Variants in CFAP54 observed in about 807,000 individuals in gnomAD.
CFAP54 encodes cilia- and flagella-associated protein 54.
In CFAP54, 290 loss-of-function variants were observed where a neutral mutation model predicts 370.4. The ratio of observed to expected loss-of-function variants is 0.78; its 90% CI spans 0.71 to 0.86. The LOEUF is 0.86. Among genes scored for constraint, CFAP54 ranks in the 40% least tolerant of loss-of-function variants. CFAP54 has a pLI of 0.00. For missense variants in CFAP54, 3,399 were observed against 3,528.7 expected (o/e 0.96, Z 0.93); for synonymous variants, 1,206 against 1,236.5 (o/e 0.98, Z 0.52).
rs1955561645 is a variant in CFAP54, at chr12:96,540,820, G to A, written c.1927-17G>A. ...ATATACTTTTAATTAATTTTGCTGTGTATTTTCTCTTTTTAGTGGATTTAT... is the reference window on the plus strand; with the variant it reads ...ATATACTTTTAATTAATTTTGCTGTATATTTTCTCTTTTTAGTGGATTTAT... On this transcript the variant is annotated splice_polypyrimidine_tract_variant and intron_variant, in intron 13 of 67. Coordinates refer to ENST00000524981, the MANE Select transcript of CFAP54 (RefSeq NM_001306084.2). The A allele has an allele frequency of 7.1e-7, 1 of 1,402,218 alleles. No homozygotes were observed. The highest frequency in any genetic ancestry group is 3.1e-5 in the Admixed American group (1 of 31,928). 86.9% of individuals were successfully genotyped at this position (1,402,218 alleles called of 1,614,324 possible). A position where few individuals can be genotyped will look rare whatever the true frequency, so the allele number is the denominator to read the frequency against.
chr12:96,719,875 T>C (rs1263321255), intron 49 of CFAP54, among the ~76,000 whole-genome samples: 1 of 152,222 alleles, frequency 6.6e-6, no homozygotes, highest in African/African-American at 2.4e-5. Context: ...GTGTCCCTTA[T>C]GGAGAAGCTA....
At chr12:96,805,464 C>A (rs1958868038) in intron 63 of CFAP54, among the ~76,000 whole-genome samples, 1 of 149,624 alleles carries the variant, frequency 6.7e-6, no homozygotes, top group Admixed American at 6.7e-5. Flanking sequence ...AAGTTTTCAA[C>A]AAACATGTAA....
intron 67 of CFAP54, among the ~76,000 whole-genome samples, chr12:96,871,201 A>G (rs769419665): frequency 6.6e-6 from 1 of 152,242 alleles, no homozygotes; most frequent in Non-Finnish European, 1.5e-5. Flanking sequence ...TATAGCTGAA[A>G]GGCTCAAAGA....
chr12:96,649,463 C>T (rs1956834108), intron 34 of CFAP54, among the ~76,000 whole-genome samples: 1 of 152,052 alleles, frequency 6.6e-6, no homozygotes, highest in Non-Finnish European at 1.5e-5. Flanking sequence ...TATGCCACAC[C>T]AGGAGGGGAA....
rs541186917 is a variant in CFAP54 at position 96,854,350 on chromosome 12, A to G, written c.9172-6469A>G. On this transcript the variant is annotated intron_variant, in intron 66 of 67. Transcript: ENST00000524981. Reference sequence around the variant, plus strand: ...GAAATAGCAAAACAACAACAACAACAACAAAGATGTGTAACATTCTCTAAT... The same window carrying G: ...GAAATAGCAAAACAACAACAACAACGACAAAGATGTGTAACATTCTCTAAT... Among the ~76,000 whole-genome samples, 226 of 152,300 alleles carry G rather than the reference A, an allele frequency of 1.5e-3. 1 individual carries two copies. The highest frequency in any genetic ancestry group is 5.1e-3 in the African/African-American group (212 of 41,568).
intron 19 of CFAP54, 127 bp downstream of exon 19, chr12:96,564,892 A>G: frequency 2.3e-6 from 1 of 440,706 alleles, no homozygotes; most frequent in South Asian, 5.2e-5. Flanking sequence ...GATTCACTAT[A>G]TATAATTCAT....
At chr12:96,629,334 C>T (rs147350070) in intron 30 of CFAP54, among the ~76,000 whole-genome samples, 2,975 of 152,016 alleles carry the variant, frequency 0.02, 153 homozygotes, top group Admixed American at 0.12. Context: ...GACAGAGTCT[C>T]GGTCTGTCGC....
intron 26 of CFAP54, among the ~76,000 whole-genome samples, chr12:96,611,137 C>G (rs959747963): frequency 3.9e-5 from 6 of 152,240 alleles, no homozygotes; most frequent in African/African-American, 1.2e-4. Flanking sequence ...AGGCACCCCC[C>G]AGTAGGGGCA....
At chr12:96,752,085 T>TGAGAGAGAGCGAGAGA (rs1958190656) in intron 55 of CFAP54, among the ~76,000 whole-genome samples, 2 of 90,568 alleles carry the variant, frequency 2.2e-5, no homozygotes, top group East Asian at 7.1e-4. Context: ...TCTTCCTGGA[T>TGAGAGAGAGCGAGAGA]GAGAGAGAGA....
intron 19 of CFAP54, among the ~76,000 whole-genome samples, chr12:96,571,660 C>T (rs142355271): frequency 6.6e-6 from 1 of 152,206 alleles, no homozygotes; most frequent in East Asian, 1.9e-4. Flanking sequence ...CATTCAGGTC[C>T]ATATTGATAA....
intron 9 of CFAP54, 23 bp from the exon 10 acceptor site, chr12:96,533,769 A>C: frequency 6.8e-7 from 1 of 1,476,888 alleles, no homozygotes; most frequent in Non-Finnish European, 8.9e-7. Flanking sequence ...GTGATATTCA[A>C]AACTCTCTTC....
At chr12:96,649,117 G>A (rs1956830853) in intron 34 of CFAP54, among the ~76,000 whole-genome samples, 1 of 152,162 alleles carries the variant, frequency 6.6e-6, no homozygotes, top group African/African-American at 2.4e-5. Flanking sequence ...GCCAACCAGA[G>A]TTCTTGGTAT....
chr12:96,764,782 T>A (rs1271761823), intron 59 of CFAP54, among the ~76,000 whole-genome samples: 1 of 152,250 alleles, frequency 6.6e-6, no homozygotes, highest in African/African-American at 2.4e-5. Flanking sequence ...TATTGGCAGA[T>A]ATACATGTGT....
At chr12:96,719,015 G>A (rs1172416436) in intron 49 of CFAP54, among the ~76,000 whole-genome samples, 1 of 151,206 alleles carries the variant, frequency 6.6e-6, no homozygotes, top group African/African-American at 2.4e-5. Context: ...TCTATTCTGG[G>A]CAAAAAGAGC....
chr12:96,803,140 G>A (rs886488225), intron 63 of CFAP54, among the ~76,000 whole-genome samples: 56 of 152,126 alleles, frequency 3.7e-4, no homozygotes, highest in African/African-American at 6.0e-4. Context: ...ATAAACACAC[G>A]TGTGCATGTG....
intron 66 of CFAP54, among the ~76,000 whole-genome samples, chr12:96,851,260 G>GT (rs1959536963): frequency 6.6e-6 from 1 of 151,994 alleles, no homozygotes; most frequent in African/African-American, 2.4e-5. Context: ...TTAAAAACTT[G>GT]TCTTCATGAT....
At chr12:96,826,306 A>AGACAATATATATATTGAATATGTATAGTC (rs1565993267) in intron 65 of CFAP54, among the ~76,000 whole-genome samples, 12 of 133,530 alleles carry the variant, frequency 9.0e-5, no homozygotes, top group Non-Finnish European at 1.9e-4. Context: ...TATATATAGA[A>AGACAATATATATATTGAATATGTATAGTC]GACAATATAT....
chr12:96,679,832 A>G (rs1413638128), intron 40 of CFAP54, 80 bp downstream of exon 40: 8 of 1,393,700 alleles, frequency 5.7e-6, no homozygotes, highest in Non-Finnish European at 7.9e-6. Flanking sequence ...CTGCCCTCTC[A>G]TTCTTCCCTC....
rs1958079925 is a variant in CFAP54, at chr12:96,743,794, AG to A, written c.7442del (p.Arg2481LysfsTer3). Reference protein sequence around the residue: ...ISPQSRLTLARSLVLLDDLTK... With the variant: ...ISPQSRLTLAXSLVLLDDLTK... ...TCCTCAATCACGGCTAACCCTGGCA[AG>A]AAGCCTAGTTTTGCTGGATGACTTA... On this transcript the variant is annotated frameshift_variant, in exon 54 of 68. Coordinates refer to ENST00000524981, the MANE Select transcript of CFAP54 (RefSeq NM_001306084.2). LOFTEE classifies it high-confidence loss of function. 2 of 1,613,952 alleles carry A rather than the reference AG, an allele frequency of 1.2e-6. No homozygotes were observed. The highest frequency in any genetic ancestry group is 2.7e-5 in the African/African-American group (2 of 75,060).
Sources: allele counts gnomAD v4.1 joint callset (sites outside exome capture counted in the v4.1 genomes callset), GRCh38; gene constraint gnomAD v4.1.1; transcripts MANE v1.5; gene names NCBI Gene and HGNC (gene_info 2026-07-23, HGNC 2026-07-21).